Variants in JAKMIP1 observed in about 807,000 individuals in gnomAD.
JAKMIP1 encodes the protein janus kinase and microtubule-interacting protein 1.
In JAKMIP1, 33 loss-of-function variants were observed where a neutral mutation model predicts 113.0. That is an observed-to-expected ratio of 0.29 (90% CI 0.22 to 0.39). The LOEUF (loss-of-function observed/expected upper bound fraction) is 0.39, where lower values mean the gene tolerates loss of function less well. Ranked by LOEUF, JAKMIP1 falls within the 10% of genes least tolerant of loss-of-function variation. JAKMIP1 has a pLI of 1.00. For missense variants in JAKMIP1, 813 were observed against 1,080.5 expected (o/e 0.75, Z 3.47); for synonymous variants, 480 against 459.9 (o/e 1.04, Z -0.56).
chr4:6,081,899 A>G lies in JAKMIP1; in HGVS notation c.955-144T>C, dbSNP rs1419389737. ...GATGACACATTTGTTTGCTAGTTGC[A>G]TGACAATGGGCAAGTTCTCAGCCTC... On this transcript the variant is annotated intron_variant, in intron 5 of 20. Coordinates refer to ENST00000409021, the MANE Select transcript of JAKMIP1 (RefSeq NM_001099433.2). The surrounding 1 kb of genome is among the most constrained non-coding windows in gnomAD (Gnocchi z 4.6). 1 of 874,246 alleles carries G rather than the reference A, an allele frequency of 1.1e-6. No individual in the cohort carries two copies. Among genetic ancestry groups the G allele is most frequent in the African/African-American group, 1.7e-5 (1 of 59,710 alleles). 54.2% of individuals were successfully genotyped at this position (874,246 alleles called of 1,614,324 possible).
intron 1 of JAKMIP1, among the ~76,000 whole-genome samples, chr4:6,160,913 C>T (rs1270758972): frequency 2.0e-5 from 3 of 148,414 alleles, no homozygotes; most frequent in African/African-American, 5.0e-5. Flanking sequence ...CTAACCTCCC[C>T]GATCTCCACT....
rs574091726 is a variant in JAKMIP1 at position 6,162,801 on chromosome 4, A to G, written c.-148+37452T>C. ...CAGGTGTGGGACCCAAGTGTTCCCC[A>G]TTCCAAAGCCTGGGTCCCTAACCAT... On this transcript the variant is annotated intron_variant, in intron 1 of 20. Transcript: ENST00000409021. The surrounding 1 kb of genome is among the most constrained non-coding windows in gnomAD (Gnocchi z 5.6). 3.3e-4 allele frequency among the ~76,000 whole-genome samples: 51 copies of G among 152,270 alleles called. No individual in the cohort carries two copies. The highest frequency in any genetic ancestry group is 6.8e-4 in the Non-Finnish European group (46 of 68,026).
intron 1 of JAKMIP1, among the ~76,000 whole-genome samples, chr4:6,120,180 C>CTTTT (rs11370537): frequency 6.8e-6 from 1 of 146,704 alleles, no homozygotes. Context: ...TCTAGCCACA[C>CTTTT]TTTTTTTTTT....
intron 1 of JAKMIP1, among the ~76,000 whole-genome samples, chr4:6,151,966 C>T (rs1290574858): frequency 6.6e-6 from 1 of 152,152 alleles, no homozygotes; most frequent in African/African-American, 2.4e-5. Context: ...ATGACTTTTA[C>T]TTGGTAACCA....
Position 6,026,250 on chromosome 4 carries a change from A to G in JAKMIP1, c.2474T>C (p.Leu825Pro). The G allele has an allele frequency of 6.5e-7, 1 of 1,542,968 alleles. No individual in the cohort carries two copies. The highest frequency in any genetic ancestry group is 8.8e-7 in the Non-Finnish European group (1 of 1,140,510). ...KFLFLFLFFS[L>P]AFILWP is the part of the protein sequence containing the mutation. ...TCATCAAGGCCACAGAATGAATGCT[A>G]GTGAGAAAAACAAAAAAAGGAACAA... The change falls in exon 21 of 21, where the codon CTA (leucine) becomes CCA (proline). Residue 825 changes from leucine to proline, a missense_variant. By Grantham distance (98) the Leu-to-Pro change is moderately conservative (BLOSUM62 -3). Coordinates refer to ENST00000409021, the MANE Select transcript of JAKMIP1 (RefSeq NM_001099433.2).
rs1560103206 is a variant in JAKMIP1, at chr4:6,042,742, G to A, written c.2029-515C>T. Among the ~76,000 whole-genome samples the A allele has an allele frequency of 6.6e-6, 1 of 152,062 alleles. No homozygotes were observed. Among genetic ancestry groups the A allele is most frequent in the African/African-American group, 2.4e-5 (1 of 41,402 alleles). On this transcript the variant is annotated intron_variant, in intron 16 of 20. Coordinates refer to ENST00000409021, the MANE Select transcript of JAKMIP1 (RefSeq NM_001099433.2). This position sits in a 1 kb window ranked among gnomAD's most constrained non-coding sequence, Gnocchi z 5.2. ...CAGCCTGCAGGATGCCAAAGCCACT[G>A]CCCTCATCCCTCCAGCAACGTGAGT...
In JAKMIP1 at chr4:6,183,509, T is replaced by TAAA. The variant is rs1553864677; in HGVS notation, c.-148+16743_-148+16744insTTT. On this transcript the variant is annotated intron_variant, in intron 1 of 20. Transcript: ENST00000409021. This position sits in a 1 kb window ranked among gnomAD's most constrained non-coding sequence, Gnocchi z 5.3. ...ATAAATAAATAAATAAATAAATAAA[T>TAAA]TTAAAAAAGAAAGTAAAATGGAACA... Among the ~76,000 whole-genome samples, 1 of 150,942 alleles carries TAAA rather than the reference T, an allele frequency of 6.6e-6. No homozygotes were observed. The highest frequency in any genetic ancestry group is 1.5e-5 in the Non-Finnish European group (1 of 67,788).
At chr4:6,124,145 C>A (rs1365091561) in intron 1 of JAKMIP1, among the ~76,000 whole-genome samples, 1 of 152,190 alleles carries the variant, frequency 6.6e-6, no homozygotes, top group Non-Finnish European at 1.5e-5. Context: ...GTTCTCTCCA[C>A]GCAGGACTCT....
chr4:6,194,282 C>G lies in JAKMIP1; in HGVS notation c.-148+5971G>C, dbSNP rs115951429. Among the ~76,000 whole-genome samples, 720 of 152,080 alleles carry G rather than the reference C, an allele frequency of 4.7e-3. 5 individuals carry two copies. The highest frequency in any genetic ancestry group is 0.016 in the African/African-American group (649 of 41,488). The stretch of plus-strand genomic sequence containing the variant: ...GAATTGTACCATTGAAAACGGTTTA[C>G]AGTAAATGAATTTCACCTCAATTTT... On this transcript the variant is annotated intron_variant, in intron 1 of 20. Coordinates refer to ENST00000409021, the MANE Select transcript of JAKMIP1 (RefSeq NM_001099433.2). This position sits in a 1 kb window ranked among gnomAD's most constrained non-coding sequence, Gnocchi z 7.4.
At chr4:6,119,281 C>T (rs368737797) in intron 1 of JAKMIP1, among the ~76,000 whole-genome samples, 11 of 151,680 alleles carry the variant, frequency 7.3e-5, no homozygotes, top group Middle Eastern at 3.5e-3. Flanking sequence ...CGGTGGCTCA[C>T]GCCTGTAATC....
chr4:6,134,838 C>T lies in JAKMIP1; in HGVS notation c.-147-21841G>A, dbSNP rs146928946. Among the ~76,000 whole-genome samples the T allele has an allele frequency of 5.6e-4, 85 of 151,270 alleles. 4 individuals carry two copies. Among genetic ancestry groups the T allele is most frequent in the African/African-American group, 1.7e-3 (70 of 40,548 alleles). On this transcript the variant is annotated intron_variant, in intron 1 of 20. Transcript: ENST00000409021. ...GAGATGAGCCACATCCTCTCTCCCC[C>T]ACCAGAGCCTCAAGCCTAGCATGGG...
chr4:6,057,395 C>G (rs764552408), intron 11 of JAKMIP1, among the ~76,000 whole-genome samples: 1 of 152,110 alleles, frequency 6.6e-6, no homozygotes, highest in African/African-American at 2.4e-5. Context: ...GGGCTGAGGC[C>G]CCTCCCAAGC....
intron 1 of JAKMIP1, among the ~76,000 whole-genome samples, chr4:6,174,177 A>C (rs1725068303): frequency 6.6e-6 from 1 of 152,232 alleles, no homozygotes; most frequent in Admixed American, 6.5e-5. Context: ...TACCCTATAT[A>C]GCAAAATGAT....
chr4:6,147,478 G>A (rs970681688), intron 1 of JAKMIP1, among the ~76,000 whole-genome samples: 6 of 152,164 alleles, frequency 3.9e-5, no homozygotes, highest in South Asian at 2.1e-4. Context: ...TGACAGCCTC[G>A]TCTGTCTCCC....
At position 6,193,215 on chromosome 4, in the gene JAKMIP1, GGGCTCTAA is replaced by G. The variant is rs1727471979; in HGVS notation, c.-148+7030_-148+7037del. ...TGGACCTACACCAGTGGTTTGCCAG[GGGCTCTAA>G]GGCCTTTGGCCACAGGCTGAAGGCT... is the stretch of plus-strand genomic sequence containing the variant. On this transcript the variant is annotated intron_variant, in intron 1 of 20. Coordinates refer to ENST00000409021, the MANE Select transcript of JAKMIP1 (RefSeq NM_001099433.2). This position sits in a 1 kb window ranked among gnomAD's most constrained non-coding sequence, Gnocchi z 6.4. Among the ~76,000 whole-genome samples the G allele has an allele frequency of 6.6e-6, 1 of 152,116 alleles. No homozygotes were observed. The highest frequency in any genetic ancestry group is 1.9e-4 in the East Asian group (1 of 5,178).
chr4:6,067,428 G>A lies in JAKMIP1; in HGVS notation c.1303-2420C>T, dbSNP rs1211315359. Among the ~76,000 whole-genome samples, 1 of 152,166 alleles carries A rather than the reference G, an allele frequency of 6.6e-6. No homozygotes were observed. Among genetic ancestry groups the A allele is most frequent in the Non-Finnish European group, 1.5e-5 (1 of 68,030 alleles). On this transcript the variant is annotated intron_variant, in intron 8 of 20. Coordinates refer to ENST00000409021, the MANE Select transcript of JAKMIP1 (RefSeq NM_001099433.2). This position sits in a 1 kb window ranked among gnomAD's most constrained non-coding sequence, Gnocchi z 4.6. Reference sequence around the variant, plus strand: ...CTTCAATGTCATTTCTCTCCTTGCAGAGGCTGGAGACAATCATCTACTCAA... The same window carrying A: ...CTTCAATGTCATTTCTCTCCTTGCAAAGGCTGGAGACAATCATCTACTCAA...
rs761271732 is a variant in JAKMIP1, at chr4:6,076,979, C to T, written c.1302+1960G>A. Among the ~76,000 whole-genome samples the T allele has an allele frequency of 1.1e-4, 16 of 152,192 alleles. No individual in the cohort carries two copies. The highest frequency in any genetic ancestry group is 1.2e-4 in the Non-Finnish European group (8 of 68,006). On this transcript the variant is annotated intron_variant, in intron 8 of 20. Coordinates refer to ENST00000409021, the MANE Select transcript of JAKMIP1 (RefSeq NM_001099433.2). The surrounding 1 kb of genome is among the most constrained non-coding windows in gnomAD (Gnocchi z 4.8). ...TCAGATTTTGGAGCATTTTGGATTT[C>T]GGATTTTTGGATTTTGGATTACGGA...
At chr4:6,144,748 T>C (rs185783554) in intron 1 of JAKMIP1, among the ~76,000 whole-genome samples, 10 of 152,180 alleles carry the variant, frequency 6.6e-5, no homozygotes, top group Non-Finnish European at 1.3e-4. Flanking sequence ...ATAAAGAGCA[T>C]CTACCAAAAC....
intron 1 of JAKMIP1, among the ~76,000 whole-genome samples, chr4:6,161,291 T>TG (rs1722922616): frequency 7.3e-6 from 1 of 137,302 alleles, no homozygotes; most frequent in African/African-American, 3.4e-5. Context: ...TCCACTCAGC[T>TG]CCCTGACCTC....
Sources: allele counts gnomAD v4.1 joint callset (sites outside exome capture counted in the v4.1 genomes callset), GRCh38; gene constraint gnomAD v4.1.1; non-coding constraint Gnocchi (gnomAD v3.1); transcripts MANE v1.5; gene names NCBI Gene and HGNC (gene_info 2026-07-23, HGNC 2026-07-21).